The following MAGI2 variants were observed in gnomAD, a reference collection of about 807,000 sequenced individuals.
MAGI2 encodes the protein membrane associated guanylate kinase, WW and PDZ domain containing 2.
Under a neutral mutation model 133.3 loss-of-function variants are expected in MAGI2, and 35 were observed. The ratio of observed to expected loss-of-function variants is 0.26; its 90% confidence interval spans 0.20 to 0.35. The LOEUF (loss-of-function observed/expected upper bound fraction) is 0.35, where lower values mean the gene tolerates loss of function less well. Among genes scored for constraint, MAGI2 ranks in the 10% least tolerant of loss-of-function variants. The pLI, the probability that MAGI2 is intolerant of heterozygous loss-of-function variation, is 1.00. For missense variants in MAGI2, 1,636 were observed against 1,863.4 expected, an observed-to-expected ratio of 0.88 and a Z score of 2.25; for synonymous variants, 729 against 710.6, an observed-to-expected ratio of 1.03 and a Z score of -0.41.
At chr7:78,707,753 G>T (rs1344256483) in intron 2 of MAGI2, among the ~76,000 whole-genome samples, 3 of 152,052 alleles carry the variant, frequency 2.0e-5, no homozygotes, top group African/African-American at 7.2e-5. Flanking sequence ...TTGCTTTAAT[G>T]AGATAATCTT....
At chr7:78,243,834 G>T (rs891064040) in intron 10 of MAGI2, among the ~76,000 whole-genome samples, 1 of 151,966 alleles carries the variant, frequency 6.6e-6, no homozygotes, top group East Asian at 1.9e-4. Flanking sequence ...ATATAATAAG[G>T]CTTGATTATG....
At chr7:78,570,701 G>C (rs181855223) in intron 3 of MAGI2, among the ~76,000 whole-genome samples, 1 of 152,222 alleles carries the variant, frequency 6.6e-6, no homozygotes, top group African/African-American at 2.4e-5. Context: ...GTGATTACCA[G>C]GAATATCCGT....
intron 3 of MAGI2, among the ~76,000 whole-genome samples, chr7:78,567,319 G>A (rs1801041133): frequency 6.6e-6 from 1 of 151,532 alleles, no homozygotes; most frequent in Non-Finnish European, 1.5e-5. Flanking sequence ...AACTGAATCT[G>A]ACACACAAAA....
At chr7:79,030,161 A>T (rs1810426779) in intron 1 of MAGI2, 2 of 152,190 alleles carry the variant, frequency 1.3e-5, no homozygotes. Flanking sequence ...GAGGAAGTGA[A>T]ACACGGTATC....
In MAGI2 at chr7:79,070,251, G is replaced by A. The variant is rs369048285; in HGVS notation, c.302-63045C>T. ...TCACTTTCAGGTACATCAATCAAAC[G>A]TACATTTTGCCTTTTCACATAGTCC... On this transcript the variant is annotated intron_variant, in intron 1 of 21. Transcript: ENST00000354212. 5.9e-5 allele frequency among the ~76,000 whole-genome samples: 9 copies of A among 151,910 alleles called. No individual in the cohort carries two copies. In the East Asian group the frequency reaches 1.2e-3, roughly 20 times the overall value.
At chr7:78,533,956 C>T (rs937428671) in intron 3 of MAGI2, among the ~76,000 whole-genome samples, 1 of 152,070 alleles carries the variant, frequency 6.6e-6, no homozygotes, top group African/African-American at 2.4e-5. Context: ...CTGCTTATTG[C>T]CTGACCAAGC....
intron 1 of MAGI2, among the ~76,000 whole-genome samples, chr7:79,254,518 C>T (rs924828794): frequency 2.0e-5 from 3 of 152,058 alleles, no homozygotes; most frequent in Admixed American, 6.5e-5. Context: ...TTTGGTGCTT[C>T]TAGAATCCAA....
intron 1 of MAGI2, among the ~76,000 whole-genome samples, chr7:79,305,415 G>A (rs6960937): frequency 0.22 from 33,344 of 151,826 alleles, 4,809 homozygotes; most frequent in African/African-American, 0.39. Flanking sequence ...CACTTGAAGT[G>A]GTATCTGACT....
chr7:78,149,641 T>C (rs887051176), intron 16 of MAGI2, among the ~76,000 whole-genome samples: 2 of 152,234 alleles, frequency 1.3e-5, no homozygotes, highest in African/African-American at 4.8e-5. Context: ...TACTTCATGT[T>C]ATCTCAACTG....
chr7:78,853,332 C>CTTTTTTTTTTTTTTT lies in MAGI2; in HGVS notation c.418+153743_418+153757dup, dbSNP rs60580466. Among the ~76,000 whole-genome samples the CTTTTTTTTTTTTTTT allele has an allele frequency of 1.1e-3, 28 of 25,076 alleles. 11 individuals carry two copies. Among genetic ancestry groups the CTTTTTTTTTTTTTTT allele is most frequent in the Non-Finnish European group, 1.4e-3 (19 of 13,910 alleles). 16.5% of individuals were successfully genotyped at this position (25,076 alleles called of 152,430 possible). A position where few individuals can be genotyped will look rare whatever the true frequency, so the allele number is the denominator to read the frequency against. On this transcript the variant is annotated intron_variant, in intron 2 of 21. Transcript: ENST00000354212. Reference sequence around the variant, plus strand: ...CTCATATTACTCTTGTCCATTCGTTCTTTTTTTTTTTTTTTTTTTTTTTTT... The same window carrying CTTTTTTTTTTTTTTT: ...CTCATATTACTCTTGTCCATTCGTTCTTTTTTTTTTTTTTTTTTTTTTTTTTTTTTTTTTTTTTTT...
At chr7:78,858,705 G>A (rs1330593021) in intron 2 of MAGI2, among the ~76,000 whole-genome samples, 1 of 152,170 alleles carries the variant, frequency 6.6e-6, no homozygotes, top group Non-Finnish European at 1.5e-5. Context: ...GTGTTATGTG[G>A]TACTAAGAAG....
At chr7:78,573,639 G>C (rs2150783142) in intron 3 of MAGI2, among the ~76,000 whole-genome samples, 1 of 150,574 alleles carries the variant, frequency 6.6e-6, no homozygotes, top group East Asian at 2.0e-4. Flanking sequence ...TGTCTTTCGG[G>C]TTTGAGACTT....
chr7:78,301,433 T>G (rs1480772971), intron 9 of MAGI2, among the ~76,000 whole-genome samples: 1 of 152,166 alleles, frequency 6.6e-6, no homozygotes, highest in Non-Finnish European at 1.5e-5. Context: ...GTGCTGTGAA[T>G]CCATCAAGTA....
At chr7:78,425,334 A>G (rs577485512) in intron 6 of MAGI2, among the ~76,000 whole-genome samples, 1 of 152,252 alleles carries the variant, frequency 6.6e-6, no homozygotes, top group South Asian at 2.1e-4. Context: ...GTGGAACTGT[A>G]AGTCCAATTA....
At chr7:79,335,440 G>C (rs1028396578) in intron 1 of MAGI2, among the ~76,000 whole-genome samples, 2 of 151,942 alleles carry the variant, frequency 1.3e-5, no homozygotes, top group Non-Finnish European at 2.9e-5. Flanking sequence ...AAAATGTACA[G>C]TATAAATATT....
intron 2 of MAGI2, among the ~76,000 whole-genome samples, chr7:78,977,187 A>T (rs1032004677): frequency 4.0e-5 from 6 of 151,750 alleles, no homozygotes; most frequent in African/African-American, 1.4e-4. Flanking sequence ...CAATCTCAAG[A>T]CTTACTACAA....
chr7:78,748,667 G>A (rs1466818617), intron 2 of MAGI2, among the ~76,000 whole-genome samples: 1 of 150,032 alleles, frequency 6.7e-6, no homozygotes, highest in Admixed American at 6.7e-5. Flanking sequence ...TGGCACAAAT[G>A]CTTTGAAAGA....
chr7:78,237,659 T>A (rs1010457193), intron 10 of MAGI2, among the ~76,000 whole-genome samples: 21 of 152,176 alleles, frequency 1.4e-4, no homozygotes, highest in Non-Finnish European at 2.6e-4. Context: ...TTATTTTTTT[T>A]ATGGATTTCT....
chr7:79,093,686 C>CTCTTTA (rs1460735692), intron 1 of MAGI2, among the ~76,000 whole-genome samples: 4 of 147,720 alleles, frequency 2.7e-5, no homozygotes, highest in African/African-American at 1.0e-4. Flanking sequence ...CTTTCTCTTT[C>CTCTTTA]TCTTTCTCTT....
Sources: gnomAD v4.1 joint callset for allele counts (sites outside exome capture counted in the v4.1 genomes callset) on GRCh38, gnomAD v4.1.1 for gene constraint, MANE v1.5 for transcripts, NCBI Gene and HGNC (gene_info 2026-07-23, HGNC 2026-07-21) for gene names.